The following SIGLEC11 variants were observed in gnomAD, a reference collection of about 807,000 sequenced individuals.
SIGLEC11 encodes the protein sialic acid binding Ig like lectin 11.
Under a neutral mutation model 61.2 loss-of-function variants are expected in SIGLEC11, and 47 were observed. The ratio of observed to expected loss-of-function variants is 0.77; its 90% confidence interval spans 0.61 to 0.98. The LOEUF is 0.98. SIGLEC11 is among the 50% of genes least tolerant of loss of function. The pLI, the probability that SIGLEC11 is intolerant of heterozygous loss-of-function variation, is 0.00. For synonymous variants in SIGLEC11, 278 were observed against 373.1 expected (o/e 0.75, Z 2.94); for missense variants, 610 against 870.3 (o/e 0.70, Z 3.76).
At position 49,950,043 on chromosome 19, in the gene SIGLEC11, G is replaced by A. The variant is rs2076148562; in HGVS notation, c.2024C>T (p.Thr675Ile). ...GCCTGGGCCCCTCAGGGGCTGTCCT[G>A]TGTGGATCTTGATCTCCGAGTACTC... is the stretch of plus-strand genomic sequence containing the variant. ...TTEYSEIKIH[T>I]GQPLRGPGFG... is the part of the protein sequence containing the mutation. Residue 675 changes from threonine (T) to isoleucine (I), a missense_variant, in exon 11 of 11, where the codon ACA becomes ATA. By Grantham distance (89) the Thr-to-Ile change is moderately conservative (BLOSUM62 -1). Transcript: ENST00000447370. 1.2e-6 allele frequency: 2 copies of A among 1,604,264 alleles called. No individual in the cohort carries two copies. Among genetic ancestry groups the A allele is most frequent in the South Asian group, 1.1e-5 (1 of 90,192 alleles).
rs1408857029 is a variant in SIGLEC11, at chr19:49,951,768, G to C, written c.1830+123C>G. 6 of 797,764 alleles carry C rather than the reference G, an allele frequency of 7.5e-6. No individual in the cohort carries two copies. The highest frequency in any genetic ancestry group is 1.1e-5 in the Non-Finnish European group (6 of 528,656). 49.4% of individuals were successfully genotyped at this position (797,764 alleles called of 1,614,324 possible). ...CATGGGACTTGGGACTGCATTGATG[G>C]GGACCCAGGAGCAAAACCCTATTTG... On this transcript the variant is annotated intron_variant, in intron 10 of 10. Coordinates refer to ENST00000447370, the MANE Select transcript of SIGLEC11 (RefSeq NM_052884.3). The surrounding 1 kb of genome is among the most constrained non-coding windows in gnomAD (Gnocchi z 4.6).
In SIGLEC11 at chr19:49,952,414, G is replaced by C. The variant is rs754353365; in HGVS notation, c.1652-20C>G. ...GCTTCCCTGCATGGGAGCAGGGTTT[G>C]GGGTGGTGCCCTCCTGGCCCTGAGA... is the stretch of plus-strand genomic sequence containing the variant. On this transcript the variant is annotated intron_variant, in intron 8 of 10. Coordinates refer to ENST00000447370, the MANE Select transcript of SIGLEC11 (RefSeq NM_052884.3). 4 of 1,593,348 alleles carry C rather than the reference G, an allele frequency of 2.5e-6. No homozygotes were observed. The highest frequency in any genetic ancestry group is 1.7e-5 in the Admixed American group (1 of 59,390).
chr19:49,958,395 C>T lies in SIGLEC11; in HGVS notation c.1539G>A (p.Trp513Ter). 6.2e-7 allele frequency: 1 copy of T among 1,614,114 alleles called. No individual in the cohort carries two copies. Among genetic ancestry groups the T allele is most frequent in the Non-Finnish European group, 8.5e-7 (1 of 1,180,012 alleles). Residue 513 changes from tryptophan (W) to a stop codon, truncating the protein, a stop_gained, in exon 8 of 11, where the codon TGG becomes TGA. Coordinates refer to ENST00000447370, the MANE Select transcript of SIGLEC11 (RefSeq NM_052884.3). LOFTEE classifies it high-confidence loss of function. ...FEVTPSSAGP[W>*]ANSSLSLHGG... ...CATGGAGGCTCAGGGAGCTGTTGGC[C>T]CAGGGCCCGGCTGAGCTGGGGGTGA...
chr19:49,953,396 G>A (rs1035072517), intron 8 of SIGLEC11, among the ~76,000 whole-genome samples: 4 of 151,988 alleles, frequency 2.6e-5, no homozygotes, highest in African/African-American at 4.8e-5. Flanking sequence ...AGAGTGGCTC[G>A]TCGATTTGGA....
In SIGLEC11 at chr19:49,952,293, C is replaced by T. The variant is rs1447216284; in HGVS notation, c.1748+5G>A. The T allele has an allele frequency of 1.9e-6, 3 of 1,612,456 alleles. No homozygotes were observed. The highest frequency in any genetic ancestry group is 1.7e-5 in the Admixed American group (1 of 59,970). ...ACCCTGCATTGCCTGCCCTCCGATGCTTACCTGAAGACGACAAGGCAGGAA... is the reference window on the plus strand; with the variant it reads ...ACCCTGCATTGCCTGCCCTCCGATGTTTACCTGAAGACGACAAGGCAGGAA... On this transcript the variant is annotated splice_donor_5th_base_variant and intron_variant, in intron 9 of 10. Transcript: ENST00000447370.
rs146975706 is a variant in SIGLEC11 at position 49,958,446 on chromosome 19, C to T, written c.1488G>A (p.Gly496=). 3.2e-5 allele frequency: 52 copies of T among 1,613,438 alleles called. No homozygotes were observed. The African/African-American group carries it at 5.2e-4, about 16-fold the overall frequency. The part of the protein sequence containing the change: ...RWWLGEELLE[G]NSSQGSFEVT... ...CCTCGAAGGAGCCCTGACTGCTGTTCCCCTCCAGCAGCTCCTCCCCAAGCC... is the reference window on the plus strand; with the variant it reads ...CCTCGAAGGAGCCCTGACTGCTGTTTCCCTCCAGCAGCTCCTCCCCAAGCC... Residue 496 remains glycine (G), a synonymous_variant, in exon 8 of 11, where the codon GGG becomes GGA. Coordinates refer to ENST00000447370, the MANE Select transcript of SIGLEC11 (RefSeq NM_052884.3).
At chr19:49,954,175 A>G (rs1368144297) in intron 8 of SIGLEC11, among the ~76,000 whole-genome samples, 1 of 152,176 alleles carries the variant, frequency 6.6e-6, no homozygotes. Context: ...TAAAAGTAAG[A>G]GCAGCTTCAC....
intron 8 of SIGLEC11, among the ~76,000 whole-genome samples, chr19:49,952,763 T>C (rs1043410470): frequency 5.3e-5 from 8 of 152,332 alleles, no homozygotes; most frequent in Admixed American, 2.6e-4. Context: ...TAACTATGTT[T>C]TACAAATGTC....
At chr19:49,954,294 C>A (rs12165127) in intron 8 of SIGLEC11, among the ~76,000 whole-genome samples, 1 of 152,144 alleles carries the variant, frequency 6.6e-6, no homozygotes, top group African/African-American at 2.4e-5. Flanking sequence ...CCAGCCTACC[C>A]CCCTTTACTG....
intron 8 of SIGLEC11, among the ~76,000 whole-genome samples, chr19:49,957,749 C>T (rs2076207830): frequency 6.6e-6 from 1 of 152,228 alleles, no homozygotes; most frequent in African/African-American, 2.4e-5. Flanking sequence ...CGCCTGTAAT[C>T]CCAGCACTTT....
In SIGLEC11 at chr19:49,955,956, T is replaced by A. The variant is rs1410393772; in HGVS notation, c.1651+2327A>T. On this transcript the variant is annotated intron_variant, in intron 8 of 10. Coordinates refer to ENST00000447370, the MANE Select transcript of SIGLEC11 (RefSeq NM_052884.3). The surrounding 1 kb of genome is among the most constrained non-coding windows in gnomAD (Gnocchi z 4.5). ...TCTCAAAAAAAAAAAAAAAAAGAAC[T>A]TGTACTTATGGCCGGGCGCAGTGGC... Among the ~76,000 whole-genome samples the A allele has an allele frequency of 6.7e-6, 1 of 148,624 alleles. No homozygotes were observed. Among genetic ancestry groups the A allele is most frequent in the Non-Finnish European group, 1.5e-5 (1 of 67,388 alleles).
chr19:49,954,257 G>A (rs530305983), intron 8 of SIGLEC11, among the ~76,000 whole-genome samples: 23 of 152,288 alleles, frequency 1.5e-4, no homozygotes, highest in Non-Finnish European at 2.9e-4. Flanking sequence ...GCTGCCAGAG[G>A]AAACAGAAAT....
In SIGLEC11 at chr19:49,958,268, C is replaced by T. The variant is rs774072610; in HGVS notation, c.1651+15G>A. 1.2e-6 allele frequency: 2 copies of T among 1,612,716 alleles called. No individual in the cohort carries two copies. Among genetic ancestry groups the T allele is most frequent in the Non-Finnish European group, 1.7e-6 (2 of 1,179,662 alleles). Reference sequence around the variant, plus strand: ...TCCTTTCTCCCTGAACCTCAGCCCCCCACAGTCCCCTCACCTGGTAGCAGC... The same window carrying T: ...TCCTTTCTCCCTGAACCTCAGCCCCTCACAGTCCCCTCACCTGGTAGCAGC... On this transcript the variant is annotated intron_variant, in intron 8 of 10. Coordinates refer to ENST00000447370, the MANE Select transcript of SIGLEC11 (RefSeq NM_052884.3).
At chr19:49,953,330 C>A (rs899815522) in intron 8 of SIGLEC11, among the ~76,000 whole-genome samples, 9 of 152,188 alleles carry the variant, frequency 5.9e-5, no homozygotes, top group Non-Finnish European at 1.3e-4. Flanking sequence ...GAAGGGGAGG[C>A]TGATCACTTC....
chr19:49,957,473 C>T (rs2076204971), intron 8 of SIGLEC11, among the ~76,000 whole-genome samples: 1 of 151,150 alleles, frequency 6.6e-6, no homozygotes, highest in Admixed American at 6.6e-5. Context: ...TTTAAAAAGC[C>T]AAGGCCAAAG....
chr19:49,952,399 A>G lies in SIGLEC11; in HGVS notation c.1652-5T>C. 3 of 1,603,082 alleles carry G rather than the reference A, an allele frequency of 1.9e-6. No homozygotes were observed. Among genetic ancestry groups the G allele is most frequent in the Non-Finnish European group, 2.5e-6 (3 of 1,179,000 alleles). ...CTCCCCCATGCTCCAGCTTCCCTGC[A>G]TGGGAGCAGGGTTTGGGGTGGTGCC... On this transcript the variant is annotated splice_region_variant and splice_polypyrimidine_tract_variant and intron_variant, in intron 8 of 10. Transcript: ENST00000447370.
chr19:49,952,329 G>GCAGGGCAGCGACGCCAGCTCC lies in SIGLEC11; in HGVS notation c.1696_1716dup (p.Gly566_Leu572dup), dbSNP rs764512108. On this transcript the variant is annotated inframe_insertion, in exon 9 of 11. Coordinates refer to ENST00000447370, the MANE Select transcript of SIGLEC11 (RefSeq NM_052884.3). Reference sequence around the variant, plus strand: ...ACGACAAGGCAGGAACAGAAAGCGAGCAGGGCAGCGACGCCAGCTCCCAGG... The same window carrying GCAGGGCAGCGACGCCAGCTCC: ...ACGACAAGGCAGGAACAGAAAGCGAGCAGGGCAGCGACGCCAGCTCCCAGGGCAGCGACGCCAGCTCCCAGG... The GCAGGGCAGCGACGCCAGCTCC allele has an allele frequency of 1.2e-5, 19 of 1,611,994 alleles. No homozygotes were observed. The South Asian group carries it at 2.0e-4, about 17-fold the overall frequency.
intron 8 of SIGLEC11, among the ~76,000 whole-genome samples, chr19:49,957,657 T>G (rs9676983): frequency 0.056 from 8,488 of 152,320 alleles, 378 homozygotes; most frequent in Admixed American, 0.14. Flanking sequence ...CCACAAGTTA[T>G]GCACTATATA....
chr19:49,950,328 T>C (rs2076151356), intron 10 of SIGLEC11, 92 bp from the exon 11 acceptor site: 9 of 1,314,690 alleles, frequency 6.8e-6, no homozygotes, highest in Non-Finnish European at 8.9e-6. Context: ...AATTGAGTAT[T>C]TCCTGTTTCA....
Sources: gnomAD v4.1 joint callset for allele counts (sites outside exome capture counted in the v4.1 genomes callset) on GRCh38, gnomAD v4.1.1 for gene constraint, Gnocchi (gnomAD v3.1) non-coding constraint, MANE v1.5 for transcripts, NCBI Gene and HGNC (gene_info 2026-07-23, HGNC 2026-07-21) for gene names.